The following GALNT8 variants were observed in gnomAD, a reference collection of about 807,000 sequenced individuals.
The protein encoded by GALNT8 is probable polypeptide N-acetylgalactosaminyltransferase 8.
GALNT8 carries 66 observed loss-of-function variants against 62.7 expected under a neutral mutation model. The ratio of observed to expected loss-of-function variants is 1.05; its 90% CI spans 0.86 to 1.29. The LOEUF is 1.29. Among genes scored for constraint, GALNT8 ranks in the 50% most tolerant of loss-of-function variants. The pLI is 0.00. For synonymous variants in GALNT8, 288 were observed against 294.3 expected (o/e 0.98, Z 0.22); for missense variants, 771 against 791.8 (o/e 0.97, Z 0.32).
At chr12:4,761,407 G>A (rs1029575972) in intron 7 of GALNT8, among the ~76,000 whole-genome samples, 1 of 152,142 alleles carries the variant, frequency 6.6e-6, no homozygotes, top group African/African-American at 2.4e-5. Flanking sequence ...TACAGATGAG[G>A]AAGCTGAGGC....
chr12:4,734,609 T>C (rs1482243617), intron 2 of GALNT8, among the ~76,000 whole-genome samples: 2 of 151,538 alleles, frequency 1.3e-5, no homozygotes, highest in Non-Finnish European at 2.9e-5. Context: ...CCCACCTGTA[T>C]TATGGCGTCC....
intron 6 of GALNT8, among the ~76,000 whole-genome samples, chr12:4,757,265 G>A (rs1028991997): frequency 1.3e-5 from 2 of 152,186 alleles, no homozygotes; most frequent in Admixed American, 1.3e-4. Context: ...TTTCCCATTT[G>A]TGAAATGAAG....
chr12:4,765,629 T>A, intron 10 of GALNT8, 83 bp downstream of exon 10: 1 of 1,050,520 alleles, frequency 9.5e-7, no homozygotes, highest in Middle Eastern at 3.2e-4. Context: ...CAGCCCAGGC[T>A]AGAGTGCAGT....
chr12:4,757,714 T>G (rs950436520), intron 6 of GALNT8, among the ~76,000 whole-genome samples: 2 of 152,212 alleles, frequency 1.3e-5, no homozygotes, highest in African/African-American at 4.8e-5. Flanking sequence ...AATATAGATT[T>G]TAGTTACTGG....
intron 2 of GALNT8, among the ~76,000 whole-genome samples, chr12:4,736,320 A>G (rs768271050): frequency 3.9e-5 from 6 of 152,208 alleles, no homozygotes; most frequent in Non-Finnish European, 7.3e-5. Context: ...GATTAAAAAT[A>G]AAATCATGCA....
At chr12:4,757,206 A>T (rs1173408542) in intron 6 of GALNT8, among the ~76,000 whole-genome samples, 5 of 152,214 alleles carry the variant, frequency 3.3e-5, no homozygotes, top group African/African-American at 1.2e-4. Flanking sequence ...AGTCTCAGGC[A>T]GTTCTCTATG....
intron 1 of GALNT8, among the ~76,000 whole-genome samples, chr12:4,725,589 T>C (rs1291519114): frequency 7.3e-6 from 1 of 137,300 alleles, no homozygotes; most frequent in African/African-American, 2.7e-5. Flanking sequence ...GGAGTCTCGC[T>C]CTGTTGCCCA....
intron 10 of GALNT8, among the ~76,000 whole-genome samples, chr12:4,770,824 GA>G (rs1423687088): frequency 6.6e-6 from 1 of 152,182 alleles, no homozygotes; most frequent in Non-Finnish European, 1.5e-5. Flanking sequence ...AGGGATAGTA[GA>G]GTTAAGGTCT....
intron 2 of GALNT8, among the ~76,000 whole-genome samples, chr12:4,730,405 G>A (rs957422405): frequency 6.6e-6 from 1 of 152,110 alleles, no homozygotes; most frequent in Admixed American, 6.6e-5. Context: ...GTGAGATAGG[G>A]TTCAGTATTA....
chr12:4,729,408 C>T (rs1461747036), intron 2 of GALNT8, among the ~76,000 whole-genome samples: 2 of 152,038 alleles, frequency 1.3e-5, no homozygotes, highest in Admixed American at 1.3e-4. Flanking sequence ...ATCCTTTAAC[C>T]AACATCTCTC....
chr12:4,755,274 C>T (rs1464296767), intron 6 of GALNT8, among the ~76,000 whole-genome samples: 3 of 152,248 alleles, frequency 2.0e-5, no homozygotes, highest in Non-Finnish European at 4.4e-5. Flanking sequence ...GGTCCTACTT[C>T]TGGGATCAGT....
chr12:4,752,619 C>T (rs1209490767), intron 6 of GALNT8, among the ~76,000 whole-genome samples: 1 of 150,140 alleles, frequency 6.7e-6, no homozygotes, highest in Non-Finnish European at 1.5e-5. Context: ...TTATATCTTA[C>T]TGTACTATGT....
Position 4,744,561 on chromosome 12 carries a change from C to A in GALNT8, c.721C>A (p.Gln241Lys). The A allele has an allele frequency of 6.2e-7, 1 of 1,612,494 alleles. No individual in the cohort carries two copies. Among genetic ancestry groups the A allele is most frequent in the Non-Finnish European group, 8.5e-7 (1 of 1,178,878 alleles). Residue 241 changes from glutamine to lysine, a missense_variant, in exon 4 of 11, where the codon CAG becomes AAG. Gln to Lys is a moderately conservative substitution (Grantham distance 53). Coordinates refer to ENST00000252318, the MANE Select transcript of GALNT8 (RefSeq NM_017417.2). ...HLDEKIKLYN[Q>K]KYPGLLKIIR... is the part of the protein sequence containing the mutation. ...GGATGAGAAGATTAAGCTTTACAAC[C>A]AGAAGTATCCAGGACTACTGAAAAT...
At chr12:4,760,189 G>A (rs962342757) in intron 6 of GALNT8, among the ~76,000 whole-genome samples, 8 of 152,158 alleles carry the variant, frequency 5.3e-5, no homozygotes, top group African/African-American at 1.7e-4. Flanking sequence ...GGGCTCCACT[G>A]GGGAAAGATC....
intron 1 of GALNT8, among the ~76,000 whole-genome samples, chr12:4,721,368 G>T (rs548600507): frequency 1.3e-5 from 2 of 151,978 alleles, no homozygotes; most frequent in South Asian, 2.1e-4. Flanking sequence ...TTCAGCATAC[G>T]GAGGATCCCG....
intron 2 of GALNT8, among the ~76,000 whole-genome samples, chr12:4,734,956 G>A (rs751520289): frequency 3.3e-5 from 5 of 152,246 alleles, no homozygotes; most frequent in East Asian, 3.8e-4. Flanking sequence ...GGGTGAGGGC[G>A]ATGGTGAACG....
chr12:4,765,291 T>C (rs944375118), intron 9 of GALNT8, 88 bp from the exon 10 acceptor site: 2 of 1,284,852 alleles, frequency 1.6e-6, no homozygotes, highest in Admixed American at 5.9e-5. Context: ...AGATCATTCT[T>C]CCTGCTGTCC....
At chr12:4,762,125 ATTGT>A in intron 7 of GALNT8, among the ~76,000 whole-genome samples, 1 of 152,316 alleles carries the variant, frequency 6.6e-6, no homozygotes, top group South Asian at 2.1e-4. Flanking sequence ...CAGTTGGATC[ATTGT>A]TTGAAGAGAG....
intron 10 of GALNT8, 89 bp from the exon 11 acceptor site, chr12:4,772,356 G>T: frequency 8.5e-7 from 1 of 1,178,286 alleles, no homozygotes; most frequent in East Asian, 2.3e-5. Context: ...CAAGAATGTG[G>T]CTGAGCACAG....
Sources: gnomAD v4.1 joint callset for allele counts (sites outside exome capture counted in the v4.1 genomes callset) on GRCh38, gnomAD v4.1.1 for gene constraint, MANE v1.5 for transcripts, NCBI Gene and HGNC (gene_info 2026-07-23, HGNC 2026-07-21) for gene names.